Variants in CLEC16A observed in about 807,000 individuals in gnomAD.
CLEC16A encodes the protein C-type lectin domain containing 16A, also known as protein CLEC16A.
CLEC16A carries 51 observed loss-of-function variants against 109.5 expected under a neutral mutation model. The observed-to-expected ratio is 0.47, with a 90% CI of 0.37 to 0.59. The LOEUF is 0.59. CLEC16A is among the 20% of genes least tolerant of loss of function. CLEC16A has a pLI of 0.00. For missense variants in CLEC16A, 1,339 were observed against 1,394.0 expected, an observed-to-expected ratio of 0.96 and a Z score of 0.63; for synonymous variants, 673 against 564.2, an observed-to-expected ratio of 1.19 and a Z score of -2.73.
intron 22 of CLEC16A, among the ~76,000 whole-genome samples, chr16:11,132,374 A>G (rs2053273466): frequency 6.6e-6 from 1 of 151,906 alleles, no homozygotes; most frequent in Non-Finnish European, 1.5e-5. Flanking sequence ...AGTTTGCATC[A>G]TGTTTTCAAG....
chr16:11,156,872 A>G (rs376078094), intron 22 of CLEC16A, among the ~76,000 whole-genome samples: 1 of 151,318 alleles, frequency 6.6e-6, no homozygotes, highest in Non-Finnish European at 1.5e-5. Flanking sequence ...ATAGGTGCTC[A>G]TGTAAGATGC....
At chr16:11,045,767 A>C (rs986415024) in intron 16 of CLEC16A, among the ~76,000 whole-genome samples, 1 of 152,208 alleles carries the variant, frequency 6.6e-6, no homozygotes, top group African/African-American at 2.4e-5. Context: ...AGGTGGCAAC[A>C]CTGCCATTTC....
chr16:11,027,434 T>G, intron 13 of CLEC16A: 5 of 1,528,968 alleles, frequency 3.3e-6, no homozygotes, highest in South Asian at 2.2e-5. Context: ...TGGAAACTTA[T>G]GTGACCTGGG....
At chr16:11,171,388 A>G (rs1359540773) in intron 23 of CLEC16A, among the ~76,000 whole-genome samples, 1 of 151,972 alleles carries the variant, frequency 6.6e-6, no homozygotes, top group African/African-American at 2.4e-5. Context: ...TCAACACCGA[A>G]CTCCCTGATG....
chr16:10,970,909 G>C (rs1452677683), intron 4 of CLEC16A, among the ~76,000 whole-genome samples: 1 of 151,420 alleles, frequency 6.6e-6, no homozygotes, highest in Non-Finnish European at 1.5e-5. Flanking sequence ...CCACCACACG[G>C]ACTTGGACTC....
intron 19 of CLEC16A, among the ~76,000 whole-genome samples, chr16:11,112,495 C>CAAAAAAAA (rs984574100): frequency 4.7e-5 from 4 of 85,584 alleles, no homozygotes; most frequent in African/African-American, 1.7e-4. Context: ...CCTATCTCTA[C>CAAAAAAAA]AAAAAAAAAA....
chr16:10,992,789 G>A (rs1257196877), intron 10 of CLEC16A, among the ~76,000 whole-genome samples: 1 of 152,044 alleles, frequency 6.6e-6, no homozygotes, highest in African/African-American at 2.4e-5. Context: ...TCTATTTGTG[G>A]GGGATAGACA....
chr16:11,004,142 CT>C (rs1389301974), intron 11 of CLEC16A, among the ~76,000 whole-genome samples: 1 of 152,008 alleles, frequency 6.6e-6, no homozygotes, highest in Non-Finnish European at 1.5e-5. Context: ...TCCTTTTGCC[CT>C]TTTTGGGAAT....
chr16:10,973,290 C>T (rs1409155825), intron 7 of CLEC16A, among the ~76,000 whole-genome samples: 3 of 152,152 alleles, frequency 2.0e-5, no homozygotes, highest in Non-Finnish European at 2.9e-5. Context: ...TCAGTACAGC[C>T]ATAGATGGGG....
intron 22 of CLEC16A, chr16:11,126,352 G>C (rs1056293870): frequency 1.4e-6 from 2 of 1,460,340 alleles, no homozygotes; most frequent in Non-Finnish European, 1.8e-6. Context: ...TTAGTGTTTG[G>C]TTTGGTTTTC....
At chr16:11,027,830 G>A in intron 13 of CLEC16A, 1 of 739,284 alleles carries the variant, frequency 1.4e-6, no homozygotes, top group Middle Eastern at 3.6e-4. Context: ...TGTTGTTTTG[G>A]GAATTTTTAT....
In CLEC16A at chr16:10,981,714, C is replaced by T. The variant is rs141540834; in HGVS notation, c.958-1164C>T. ...TTAAAAAGTTCAAACATGTAAAAACCGGGTTTCTGTTCTAGTTTTGTTCAG... is the reference window on the plus strand; with the variant it reads ...TTAAAAAGTTCAAACATGTAAAAACTGGGTTTCTGTTCTAGTTTTGTTCAG... On this transcript the variant is annotated intron_variant, in intron 9 of 23. Transcript: ENST00000409790. Among the ~76,000 whole-genome samples, 297 of 152,222 alleles carry T rather than the reference C, an allele frequency of 2.0e-3. 1 individual carries two copies. Among genetic ancestry groups the T allele is most frequent in the African/African-American group, 7.0e-3 (289 of 41,532 alleles).
At chr16:10,992,814 C>T (rs959216174) in intron 10 of CLEC16A, among the ~76,000 whole-genome samples, 33 of 152,026 alleles carry the variant, frequency 2.2e-4, no homozygotes, top group African/African-American at 7.5e-4. Context: ...GCCAGCTCAT[C>T]CTCACAAATT....
At chr16:11,042,185 A>T in intron 14 of CLEC16A, 69 bp from the exon 15 acceptor site, 1 of 1,146,754 alleles carries the variant, frequency 8.7e-7, no homozygotes, top group Non-Finnish European at 1.3e-6. Flanking sequence ...CAACGTGGAT[A>T]GGCAGCAGTC....
At chr16:11,027,836 T>G in intron 13 of CLEC16A, 1 of 711,620 alleles carries the variant, frequency 1.4e-6, no homozygotes, top group South Asian at 1.6e-5. Context: ...TTTGGGAATT[T>G]TTATCAAGTG....
At chr16:11,046,931 C>T (rs957821958) in intron 16 of CLEC16A, among the ~76,000 whole-genome samples, 2 of 152,188 alleles carry the variant, frequency 1.3e-5, no homozygotes, top group African/African-American at 4.8e-5. Flanking sequence ...ACAGGATTGT[C>T]CATTTCTCCA....
At chr16:10,979,252 C>A in intron 8 of CLEC16A, 77 bp from the exon 9 acceptor site, 1 of 1,365,784 alleles carries the variant, frequency 7.3e-7, no homozygotes, top group Non-Finnish European at 1.0e-6. Flanking sequence ...ACACAGAAGG[C>A]TTTTGGCTTT....
At chr16:11,135,022 T>C (rs1323443605) in intron 22 of CLEC16A, among the ~76,000 whole-genome samples, 1 of 152,224 alleles carries the variant, frequency 6.6e-6, no homozygotes, top group Admixed American at 6.5e-5. Flanking sequence ...CAAACCAGGC[T>C]AGCGGTGCAG....
chr16:11,069,173 G>A (rs1430087833), intron 19 of CLEC16A, among the ~76,000 whole-genome samples: 1 of 152,030 alleles, frequency 6.6e-6, no homozygotes, highest in Non-Finnish European at 1.5e-5. Context: ...TGTTGCCCAG[G>A]ATGAAGTACA....
Sources: gnomAD v4.1 joint callset for allele counts (sites outside exome capture counted in the v4.1 genomes callset) on GRCh38, gnomAD v4.1.1 for gene constraint, MANE v1.5 for transcripts, NCBI Gene and HGNC (gene_info 2026-07-23, HGNC 2026-07-21) for gene names.